The following JMY variants were observed in gnomAD, a reference collection of about 807,000 sequenced individuals.
JMY encodes the protein junction mediating and regulatory protein, p53 cofactor, also known as junction-mediating and -regulatory protein.
Under a neutral mutation model 103.3 loss-of-function variants are expected in JMY, and 46 were observed. That is an observed-to-expected ratio of 0.45 (90% confidence interval 0.35 to 0.57). The LOEUF (loss-of-function observed/expected upper bound fraction) is 0.57, where lower values mean the gene tolerates loss of function less well. Ranked by LOEUF, JMY falls within the 20% of genes least tolerant of loss-of-function variation. The probability of loss-of-function intolerance (pLI) is 0.00; values close to 1 mark genes in which losing one functional copy is unlikely to be tolerated. For synonymous variants in JMY, 526 were observed against 489.3 expected, an observed-to-expected ratio of 1.07 and a Z score of -0.99; for missense variants, 1,238 against 1,255.2, an observed-to-expected ratio of 0.99 and a Z score of 0.21.
At chr5:79,290,666 T>C (rs1300973308) in intron 3 of JMY, among the ~76,000 whole-genome samples, 1 of 152,154 alleles carries the variant, frequency 6.6e-6, no homozygotes, top group East Asian at 1.9e-4. Context: ...TTGAAGACAT[T>C]AGAATCTAAG....
At chr5:79,266,652 C>G (rs1260699766) in intron 1 of JMY, among the ~76,000 whole-genome samples, 1 of 152,072 alleles carries the variant, frequency 6.6e-6, no homozygotes, top group Non-Finnish European at 1.5e-5. Flanking sequence ...TATAATTTTC[C>G]TACTATACTG....
chr5:79,308,231 T>A (rs186948316), intron 7 of JMY, among the ~76,000 whole-genome samples: 1 of 152,330 alleles, frequency 6.6e-6, no homozygotes, highest in East Asian at 1.9e-4. Flanking sequence ...CAAAGTCCAA[T>A]TTACCAGCAC....
At chr5:79,250,341 G>A (rs1026351219) in intron 1 of JMY, among the ~76,000 whole-genome samples, 3 of 152,162 alleles carry the variant, frequency 2.0e-5, no homozygotes, top group South Asian at 2.1e-4. Context: ...TATTATATTC[G>A]TTGACATCAC....
At position 79,268,488 on chromosome 5, in the gene JMY, T is replaced by C. The variant is rs544409493; in HGVS notation, c.1033-9422T>C. On this transcript the variant is annotated intron_variant, in intron 1 of 10. Transcript: ENST00000396137. Reference sequence around the variant, plus strand: ...CATCTTTTTATTTATTTTTTATTTATTTATTTATTTATTTCTTGAGATGGC... The same window carrying C: ...CATCTTTTTATTTATTTTTTATTTACTTATTTATTTATTTCTTGAGATGGC... Among the ~76,000 whole-genome samples the C allele has an allele frequency of 2.0e-3, 307 of 152,140 alleles. 2 individuals are homozygous for C. Among genetic ancestry groups the C allele is most frequent in the African/African-American group, 7.3e-3 (302 of 41,514 alleles).
At chr5:79,243,882 A>C (rs1247971562) in intron 1 of JMY, among the ~76,000 whole-genome samples, 1 of 152,212 alleles carries the variant, frequency 6.6e-6, no homozygotes, top group Non-Finnish European at 1.5e-5. Context: ...AAACAAAAAC[A>C]TGGAGACTGG....
rs913388979 is a variant in JMY at position 79,237,327 on chromosome 5, A to G, written c.677A>G (p.Glu226Gly). ...ACCGAGCTGGAGTCTCCGGCCGAAG[A>G]GTGCAGCTGGGCCGGACTGTTTTCT... Reference protein sequence around the residue: ...PATELESPAEECSWAGLFSFQ... With the variant: ...PATELESPAEGCSWAGLFSFQ... The change falls in exon 1 of 11, where the codon GAG becomes GGG. Residue 226 changes from glutamate (E) to glycine (G), a missense_variant. Physicochemically the swap from Glu to Gly is moderately conservative, Grantham distance 98. Coordinates refer to ENST00000396137, the MANE Select transcript of JMY (RefSeq NM_152405.5). 5.0e-6 allele frequency: 8 copies of G among 1,589,082 alleles called. No homozygotes were observed. The highest frequency in any genetic ancestry group is 6.8e-6 in the Non-Finnish European group (8 of 1,168,638).
chr5:79,304,540 T>A (rs1456129877), intron 6 of JMY, among the ~76,000 whole-genome samples: 1 of 152,152 alleles, frequency 6.6e-6, no homozygotes, highest in East Asian at 1.9e-4. Context: ...AATAACAATT[T>A]TCTTTGTTTT....
At chr5:79,289,958 A>G (rs1276213907) in intron 2 of JMY, among the ~76,000 whole-genome samples, 163 bp from the exon 3 acceptor site, 1 of 152,194 alleles carries the variant, frequency 6.6e-6, no homozygotes, top group Non-Finnish European at 1.5e-5. Context: ...TCTATGTCAA[A>G]TATCTTCAGT....
chr5:79,253,621 G>A (rs1252396663), intron 1 of JMY, among the ~76,000 whole-genome samples: 1 of 152,142 alleles, frequency 6.6e-6, no homozygotes. Flanking sequence ...TAAGATAAGA[G>A]TAGCTTACAC....
At chr5:79,276,033 T>G (rs1745926714) in intron 1 of JMY, among the ~76,000 whole-genome samples, 2 of 152,034 alleles carry the variant, frequency 1.3e-5, no homozygotes, top group African/African-American at 4.8e-5. Flanking sequence ...TTTGGGGAGG[T>G]GATACTGCCA....
chr5:79,244,294 C>T (rs139689697), intron 1 of JMY, among the ~76,000 whole-genome samples: 11 of 152,286 alleles, frequency 7.2e-5, no homozygotes, highest in African/African-American at 2.6e-4. Flanking sequence ...AGCCACCACG[C>T]CTGGCCCAGA....
intron 1 of JMY, among the ~76,000 whole-genome samples, chr5:79,250,340 C>T (rs1399919241): frequency 6.6e-6 from 1 of 152,198 alleles, no homozygotes; most frequent in African/African-American, 2.4e-5. Flanking sequence ...TTATTATATT[C>T]GTTGACATCA....
chr5:79,241,340 T>C (rs1174991268), intron 1 of JMY, among the ~76,000 whole-genome samples: 1 of 152,258 alleles, frequency 6.6e-6, no homozygotes, highest in Non-Finnish European at 1.5e-5. Flanking sequence ...TTTTTAAAAT[T>C]AATTTATTCT....
In JMY at chr5:79,326,942, A is replaced by G. The variant is rs776753315; in HGVS notation, c.*5340A>G. ...CTAAAGTATTAAAAGTACAGAGGAA[A>G]AACTAAGCAAGCATTTATAGCAATA... is the stretch of plus-strand genomic sequence containing the variant. On this transcript the variant is annotated 3_prime_UTR_variant, in exon 11 of 11. Coordinates refer to ENST00000396137, the MANE Select transcript of JMY (RefSeq NM_152405.5). The G allele has an allele frequency of 4.6e-5, 7 of 152,254 alleles. No individual in the cohort carries two copies. Among genetic ancestry groups the G allele is most frequent in the Non-Finnish European group, 7.3e-5 (5 of 68,044 alleles). 9.4% of individuals were successfully genotyped at this position (152,254 alleles called of 1,614,324 possible).
At position 79,270,537 on chromosome 5, in the gene JMY, A is replaced by G. The variant is rs185514493; in HGVS notation, c.1033-7373A>G. ...ATATTTAAAATATATATTTACATAAATATTTAAAATGTATATTTACATAAA... is the reference window on the plus strand; with the variant it reads ...ATATTTAAAATATATATTTACATAAGTATTTAAAATGTATATTTACATAAA... On this transcript the variant is annotated intron_variant, in intron 1 of 10. Coordinates refer to ENST00000396137, the MANE Select transcript of JMY (RefSeq NM_152405.5). Among the ~76,000 whole-genome samples the G allele has an allele frequency of 1.0e-4, 4 of 38,416 alleles. 1 individual carries two copies. The highest frequency in any genetic ancestry group is 2.5e-4 in the African/African-American group (4 of 16,032). The allele number at this position is 38,416 out of a possible 152,430, so 25.2% of individuals were successfully genotyped here. A position where few individuals can be genotyped will look rare whatever the true frequency, so the allele number is the denominator to read the frequency against.
At position 79,249,163 on chromosome 5, in the gene JMY, C is replaced by T. The variant is rs534061592; in HGVS notation, c.1032+11481C>T. On this transcript the variant is annotated intron_variant, in intron 1 of 10. Transcript: ENST00000396137. ...TAAAGAAATGAAGGACTAAGAAAAA[C>T]GGTGTGAATTAACTTCATTATTGTT... is the stretch of plus-strand genomic sequence containing the variant. 9.2e-5 allele frequency among the ~76,000 whole-genome samples: 14 copies of T among 151,472 alleles called. No individual in the cohort carries two copies. The South Asian group carries it at 2.3e-3, about 25-fold the overall frequency.
intron 4 of JMY, among the ~76,000 whole-genome samples, chr5:79,293,976 G>T (rs1746497362): frequency 6.6e-6 from 1 of 152,142 alleles, no homozygotes; most frequent in South Asian, 2.1e-4. Context: ...TATTGGACAA[G>T]ATTAAAATAC....
Position 79,292,462 on chromosome 5 carries a change from C to T in JMY, c.1527+1163C>T, listed in dbSNP as rs779863842. On this transcript the variant is annotated intron_variant, in intron 4 of 10. Coordinates refer to ENST00000396137, the MANE Select transcript of JMY (RefSeq NM_152405.5). ...CCTGAGTAGCAGGCACGCACCCCCC[C>T]CAACACCTTGCAAATTTTTATTTAT... is the stretch of plus-strand genomic sequence containing the variant. 7.2e-5 allele frequency among the ~76,000 whole-genome samples: 11 copies of T among 152,102 alleles called. No individual in the cohort carries two copies. The East Asian group carries it at 1.9e-3, about 27-fold the overall frequency.
intron 7 of JMY, among the ~76,000 whole-genome samples, chr5:79,310,233 T>C (rs747558437): frequency 4.0e-5 from 6 of 151,840 alleles, no homozygotes; most frequent in Non-Finnish European, 8.8e-5. Flanking sequence ...TGGCTAATTT[T>C]TGTATTTTTA....
Sources: allele counts gnomAD v4.1 joint callset (sites outside exome capture counted in the v4.1 genomes callset), GRCh38; gene constraint gnomAD v4.1.1; transcripts MANE v1.5; gene names NCBI Gene and HGNC (gene_info 2026-07-23, HGNC 2026-07-21).